The following SLC4A2 variants were observed in gnomAD, a reference collection of about 807,000 sequenced individuals.
The protein encoded by SLC4A2 is solute carrier family 4 member 2, also known as anion exchange protein 2.
In SLC4A2, 36 loss-of-function variants were observed where a neutral mutation model predicts 115.0. The ratio of observed to expected loss-of-function variants is 0.31; its 90% CI spans 0.24 to 0.41. The LOEUF is 0.41. SLC4A2 is among the 10% of genes least tolerant of loss of function. The pLI, the probability that SLC4A2 is intolerant of heterozygous loss-of-function variation, is 1.00. For missense variants in SLC4A2, 1,252 were observed against 1,705.6 expected, an observed-to-expected ratio of 0.73 and a Z score of 4.68; for synonymous variants, 708 against 708.3, an observed-to-expected ratio of 1.00 and a Z score of 0.01.
rs761865320 is a variant in SLC4A2, at chr7:151,074,056, C to G, written c.2553C>G (p.Pro851=). The change falls in exon 17 of 23, where the codon CCC becomes CCG. Residue 851 remains proline, a synonymous_variant. Transcript: ENST00000413384. ...YKLVKIFQEH[P]LHGCSASNSS... Reference sequence around the variant, plus strand: ...CTCCCCAGATCTTCCAGGAGCACCCCCTGCATGGCTGCTCAGCCTCCAACA... The same window carrying G: ...CTCCCCAGATCTTCCAGGAGCACCCGCTGCATGGCTGCTCAGCCTCCAACA... 3.8e-6 allele frequency: 6 copies of G among 1,586,662 alleles called. No individual in the cohort carries two copies. The Admixed American group carries it at 8.6e-5, about 23-fold the overall frequency.
In SLC4A2 at chr7:151,071,309, G is replaced by A. The variant is rs1427089027; in HGVS notation, c.1975+12G>A. The A allele has an allele frequency of 1.3e-6, 2 of 1,546,258 alleles. No homozygotes were observed. The highest frequency in any genetic ancestry group is 1.9e-5 in the Admixed American group (1 of 51,444). On this transcript the variant is annotated intron_variant, in intron 13 of 22. Coordinates refer to ENST00000413384, the MANE Select transcript of SLC4A2 (RefSeq NM_003040.4). This position sits in a 1 kb window ranked among gnomAD's most constrained non-coding sequence, Gnocchi z 5.5. ...TGCCCAAGATAAGGGTACGGCCAGG[G>A]CGGGCTGGGGCCAGGGCTGCCTCGA...
chr7:151,067,035 C>T (rs961180309), intron 7 of SLC4A2, 42 bp downstream of exon 7: 14 of 1,530,010 alleles, frequency 9.2e-6, no homozygotes, highest in Non-Finnish European at 1.1e-5. Context: ...ACTTCCCACA[C>T]GACCCTGCCC....
chr7:151,062,367 C>T (rs1797078221), intron 2 of SLC4A2, among the ~76,000 whole-genome samples: 1 of 152,198 alleles, frequency 6.6e-6, no homozygotes, highest in Admixed American at 6.5e-5. Flanking sequence ...AGGCGCAGGT[C>T]AAGTCTGCAC....
upstream of SLC4A2, chr7:151,058,720 AC>A (rs1796959575): frequency 6.6e-6 from 1 of 152,136 alleles, no homozygotes; most frequent in African/African-American, 2.4e-5. Flanking sequence ...AGGTTGGTTA[AC>A]CCCCTCCACA....
At position 151,070,725 on chromosome 7, in the gene SLC4A2, A is replaced by G; in HGVS notation, c.1565-2A>G. 1 of 1,612,888 alleles carries G rather than the reference A, an allele frequency of 6.2e-7. No individual in the cohort carries two copies. The highest frequency in any genetic ancestry group is 8.5e-7 in the Non-Finnish European group (1 of 1,179,862). On this transcript the variant is annotated splice_acceptor_variant, in intron 11 of 22. Coordinates refer to ENST00000413384, the MANE Select transcript of SLC4A2 (RefSeq NM_003040.4). LOFTEE classifies it high-confidence loss of function. ...TTGCCCACGATGGTCCCACGCCCCTAGGCTGCGTGGAGTTCCTCTCCCGCC... is the reference window on the plus strand; with the variant it reads ...TTGCCCACGATGGTCCCACGCCCCTGGGCTGCGTGGAGTTCCTCTCCCGCC...
At chr7:151,075,071 C>A (rs1370436489) in intron 19 of SLC4A2, 184 bp from the exon 20 acceptor site, 6 of 973,794 alleles carry the variant, frequency 6.2e-6, no homozygotes, top group Non-Finnish European at 9.4e-6. Context: ...TGGGAGCTGT[C>A]ATGGACGATA....
chr7:151,072,094 C>G lies in SLC4A2; in HGVS notation c.2493C>G (p.Ile831Met). 4 of 1,614,118 alleles carry G rather than the reference C, an allele frequency of 2.5e-6. No individual in the cohort carries two copies. The highest frequency in any genetic ancestry group is 3.4e-6 in the Non-Finnish European group (4 of 1,180,020). The stretch of plus-strand genomic sequence containing the variant: ...CCCAGGAGATCTTCGCCTTCTTGAT[C>G]TCACTCATCTTCATCTATGAGACCT... ...RFTQEIFAFL[I>M]SLIFIYETFY... Residue 831 changes from isoleucine to methionine, a missense_variant, in exon 16 of 23, where the codon ATC becomes ATG. By Grantham distance (10) the Ile-to-Met change is conservative. Around this residue, in one of 14 missense-constraint regions of SLC4A2, gnomAD observed 118 missense variants for 203.3 expected, o/e 0.58. Transcript: ENST00000413384.
chr7:151,072,595 T>A (rs1797477589), intron 16 of SLC4A2, among the ~76,000 whole-genome samples: 1 of 152,032 alleles, frequency 6.6e-6, no homozygotes, highest in Admixed American at 6.6e-5. Context: ...CTGGCCTTAA[T>A]TTATTTTCAA....
In SLC4A2 at chr7:151,076,511, GC is replaced by G; in HGVS notation, c.*145del. 1.3e-6 allele frequency: 1 copy of G among 748,786 alleles called. No homozygotes were observed. The highest frequency in any genetic ancestry group is 2.1e-6 in the Non-Finnish European group (1 of 487,462). 46.4% of individuals were successfully genotyped at this position (748,786 alleles called of 1,614,324 possible). A position where few individuals can be genotyped will look rare whatever the true frequency, so the allele number is the denominator to read the frequency against. On this transcript the variant is annotated 3_prime_UTR_variant, in exon 23 of 23. Transcript: ENST00000413384. Reference sequence around the variant, plus strand: ...TCCCCCACTGCCCCTGCAGTAAAGTGCTTTGGCCCCCACCTATCTGTGGCCT... The same window carrying G: ...TCCCCCACTGCCCCTGCAGTAAAGTGTTTGGCCCCCACCTATCTGTGGCCT...
Position 151,071,928 on chromosome 7 carries a change from G to T in SLC4A2, c.2341-14G>T. The T allele has an allele frequency of 6.2e-7, 1 of 1,612,592 alleles. No homozygotes were observed. On this transcript the variant is annotated splice_polypyrimidine_tract_variant and intron_variant, in intron 15 of 22. Coordinates refer to ENST00000413384, the MANE Select transcript of SLC4A2 (RefSeq NM_003040.4). The surrounding 1 kb of genome is among the most constrained non-coding windows in gnomAD (Gnocchi z 5.5). ...CCCACCCAGAGCTCAGGACCTGACT[G>T]CCCCTCCCTCCAGTTCTGTAGCAGC...
At chr7:151,062,581 C>T (rs1797087593) in intron 2 of SLC4A2, 2 of 1,468,610 alleles carry the variant, frequency 1.4e-6, no homozygotes, top group Non-Finnish European at 1.8e-6. Context: ...GGGCACGTGA[C>T]TGGGAAGGGG....
rs1797015367 is a variant in SLC4A2, at chr7:151,060,680, C to G, written c.-64+918C>G. On this transcript the variant is annotated intron_variant, in intron 1 of 22. Coordinates refer to ENST00000413384, the MANE Select transcript of SLC4A2 (RefSeq NM_003040.4). The surrounding 1 kb of genome is among the most constrained non-coding windows in gnomAD (Gnocchi z 5.9). ...CGCCTGCAGGTGCTCTGGGCGGACT[C>G]TCCCCACACCCTTCCCAGACTGGGT... 6.6e-6 allele frequency among the ~76,000 whole-genome samples: 1 copy of G among 152,236 alleles called. No homozygotes were observed. The highest frequency in any genetic ancestry group is 1.9e-4 in the East Asian group (1 of 5,178).
chr7:151,062,621 A>G (rs1157468643), intron 2 of SLC4A2: 3 of 1,516,556 alleles, frequency 2.0e-6, no homozygotes, highest in Non-Finnish European at 2.6e-6. Context: ...CCTCCTTCTC[A>G]GGTTCACCCC....
rs1233005710 is a variant in SLC4A2, at chr7:151,067,117, C to T, written c.966+124C>T. Reference sequence around the variant, plus strand: ...TTGTTTTGTTGTTGTTTGAGACAGTCTCGCTCTGTTGCCCAGGATGGAGTG... The same window carrying T: ...TTGTTTTGTTGTTGTTTGAGACAGTTTCGCTCTGTTGCCCAGGATGGAGTG... On this transcript the variant is annotated intron_variant, in intron 7 of 22. Coordinates refer to ENST00000413384, the MANE Select transcript of SLC4A2 (RefSeq NM_003040.4). The T allele has an allele frequency of 8.5e-6, 9 of 1,059,872 alleles. No homozygotes were observed. The East Asian group carries it at 2.0e-4, about 23-fold the overall frequency. 65.7% of individuals were successfully genotyped at this position (1,059,872 alleles called of 1,614,324 possible).
In SLC4A2 at chr7:151,076,158, G is replaced by A. The variant is rs761050453; in HGVS notation, c.3617G>A (p.Arg1206His). ...TVPLRMVVLTRIFTDREMKCL... is the reference protein window; with the variant it reads ...TVPLRMVVLTHIFTDREMKCL... ...CCGCTCCGCATGGTGGTGCTCACCC[G>A]TATCTTCACCGACCGAGAGATGAAA... is the stretch of plus-strand genomic sequence containing the variant. Residue 1206 changes from arginine to histidine, a missense_variant, in exon 22 of 23, where the codon CGT becomes CAT. Transcript: ENST00000413384. The A allele has an allele frequency of 5.6e-6, 9 of 1,610,474 alleles. No homozygotes were observed. The highest frequency in any genetic ancestry group is 2.2e-5 in the East Asian group (1 of 44,878).
chr7:151,076,057 C>T lies in SLC4A2; in HGVS notation c.3516C>T (p.Leu1172=), dbSNP rs150666646. 136 of 1,611,708 alleles carry T rather than the reference C, an allele frequency of 8.4e-5. No individual in the cohort carries two copies. The African/African-American group carries it at 1.5e-3, about 17-fold the overall frequency. The part of the protein sequence containing the change: ...RMHLFTALQL[L]CLALLWAVMS... ...ACCTGTTCACGGCCCTGCAGCTGCT[C>T]TGCCTGGCCCTGCTCTGGGCCGTCA... Residue 1172 remains leucine (L), a synonymous_variant, in exon 22 of 23, where the codon CTC becomes CTT. Transcript: ENST00000413384.
chr7:151,061,448 G>C (rs1212287549), intron 1 of SLC4A2: 2 of 154,322 alleles, frequency 1.3e-5, no homozygotes, highest in Admixed American at 1.3e-4. Flanking sequence ...TTCCTGTCTC[G>C]GCAGCCCGGC....
Position 151,060,812 on chromosome 7 carries a change from G to A in SLC4A2, c.-64+1050G>A, listed in dbSNP as rs930260278. On this transcript the variant is annotated intron_variant, in intron 1 of 22. Transcript: ENST00000413384. The surrounding 1 kb of genome is among the most constrained non-coding windows in gnomAD (Gnocchi z 5.9). ...GTGCTTGCCAAGAATGTGTTGCCAG[G>A]CTCCCCATCCTGGGTGACCCCCCCA... Among the ~76,000 whole-genome samples the A allele has an allele frequency of 2.0e-5, 3 of 152,134 alleles. No individual in the cohort carries two copies. The highest frequency in any genetic ancestry group is 4.4e-5 in the Non-Finnish European group (3 of 68,000).
chr7:151,074,219 G>A lies in SLC4A2; in HGVS notation c.2716G>A (p.Val906Met), dbSNP rs1415488169. The A allele has an allele frequency of 1.9e-6, 3 of 1,612,886 alleles. No individual in the cohort carries two copies. The highest frequency in any genetic ancestry group is 2.5e-6 in the Non-Finnish European group (3 of 1,179,986). Residue 906 changes from valine to methionine, a missense_variant, in exon 17 of 23, where the codon GTG becomes ATG. By Grantham distance (21) the Val-to-Met change is conservative. This residue lies in a region of SLC4A2 where 253 missense variants were observed against 407.4 expected (regional missense o/e 0.62). Coordinates refer to ENST00000413384, the MANE Select transcript of SLC4A2 (RefSeq NM_003040.4). ...GQPNTALLSL[V>M]LMAGTFFIAF... ...GCCCAACACGGCCCTGCTGTCGCTGGTGCTCATGGCCGGCACCTTCTTCAT... is the reference window on the plus strand; with the variant it reads ...GCCCAACACGGCCCTGCTGTCGCTGATGCTCATGGCCGGCACCTTCTTCAT...
Sources: gnomAD v4.1 joint callset for allele counts (sites outside exome capture counted in the v4.1 genomes callset) on GRCh38, gnomAD v4.1.1 for gene constraint, gnomAD v4.1.1 regional missense constraint, Gnocchi (gnomAD v3.1) non-coding constraint, MANE v1.5 for transcripts, NCBI Gene and HGNC (gene_info 2026-07-23, HGNC 2026-07-21) for gene names.